Variants in PGCKA1 observed in about 807,000 individuals in gnomAD.
PGCKA1 encodes PDCD10 and GCKIII kinases associated 1.
At chr4:37,544,972 C>T in the PGCKA1 span, among the ~76,000 whole-genome samples, 3 of 151,902 alleles carry the variant, frequency 2.0e-5, no homozygotes, top group African/African-American at 7.3e-5. Context: ...TCTCCTGCCT[C>T]AGCCTCCCAA....
chr4:37,577,733 T>A, the PGCKA1 span, among the ~76,000 whole-genome samples: 2 of 152,168 alleles, frequency 1.3e-5, no homozygotes, highest in Non-Finnish European at 2.9e-5. Context: ...CCCATAGATT[T>A]TGGTCTCGTG....
chr4:37,459,153 A>T, the PGCKA1 span, among the ~76,000 whole-genome samples: 1 of 152,210 alleles, frequency 6.6e-6, no homozygotes, highest in African/African-American at 2.4e-5. Flanking sequence ...TGAAAAAAAA[A>T]TCAAACTTTA....
At chr4:37,525,031 C>T in the PGCKA1 span, among the ~76,000 whole-genome samples, 1 of 152,134 alleles carries the variant, frequency 6.6e-6, no homozygotes, top group South Asian at 2.1e-4. Context: ...AAAATTTGTG[C>T]AGTCCGAAGA....
the PGCKA1 span, among the ~76,000 whole-genome samples, chr4:37,572,063 C>CTTTTTTTTTTTTTT: frequency 3.3e-5 from 3 of 89,970 alleles, no homozygotes; most frequent in African/African-American, 4.9e-5. Context: ...TTTTTTTTTT[C>CTTTTTTTTTTTTTT]TTTTTTTTTT....
the PGCKA1 span, among the ~76,000 whole-genome samples, chr4:37,529,755 C>T: frequency 6.6e-6 from 1 of 152,098 alleles, no homozygotes; most frequent in Non-Finnish European, 1.5e-5. Context: ...TGTAGCCGCC[C>T]CCTTCCCCAA....
the PGCKA1 span, among the ~76,000 whole-genome samples, chr4:37,466,854 T>A: frequency 6.6e-6 from 1 of 152,206 alleles, no homozygotes; most frequent in Non-Finnish European, 1.5e-5. Context: ...TCCCAGCACT[T>A]TGGGAGGCCA....
chr4:37,569,826 A>G, the PGCKA1 span, among the ~76,000 whole-genome samples: 1 of 152,168 alleles, frequency 6.6e-6, no homozygotes, highest in African/African-American at 2.4e-5. Context: ...AGCCTTTTCC[A>G]GGGAGAAAAC....
chr4:37,489,979 A>T, the PGCKA1 span, among the ~76,000 whole-genome samples: 2 of 152,100 alleles, frequency 1.3e-5, no homozygotes, highest in Non-Finnish European at 2.9e-5. Context: ...GTCTCCTCTT[A>T]GATCTCCTAT....
At chr4:37,565,929 G>A in the PGCKA1 span, among the ~76,000 whole-genome samples, 1 of 152,092 alleles carries the variant, frequency 6.6e-6, no homozygotes, top group African/African-American at 2.4e-5. Flanking sequence ...ACGTCAAAAG[G>A]TGAGACTAGC....
chr4:37,517,350 GAC>G, the PGCKA1 span, among the ~76,000 whole-genome samples: 1 of 149,816 alleles, frequency 6.7e-6, no homozygotes, highest in Non-Finnish European at 1.5e-5. Flanking sequence ...ATATTTTTTT[GAC>G]ACAGAAAATA....
the PGCKA1 span, among the ~76,000 whole-genome samples, chr4:37,507,969 T>A: frequency 0.51 from 76,992 of 151,894 alleles, 19,798 homozygotes; most frequent in African/African-American, 0.58. Flanking sequence ...AGCATAAAAG[T>A]TTTATTCCTT....
At chr4:37,542,381 T>C in the PGCKA1 span, among the ~76,000 whole-genome samples, 1 of 152,186 alleles carries the variant, frequency 6.6e-6, no homozygotes, top group Non-Finnish European at 1.5e-5. Context: ...AAAAATAACA[T>C]TCTACAAAGT....
chr4:37,589,390 A>G, the PGCKA1 span, among the ~76,000 whole-genome samples: 1 of 152,134 alleles, frequency 6.6e-6, no homozygotes, highest in African/African-American at 2.4e-5. Flanking sequence ...TCATACTGTG[A>G]TGTTTGGCTT....
At chr4:37,506,506 C>A in the PGCKA1 span, among the ~76,000 whole-genome samples, 1 of 149,834 alleles carries the variant, frequency 6.7e-6, no homozygotes, top group Non-Finnish European at 1.5e-5. Context: ...TTTCAATTTT[C>A]TTCTGTGAAT....
chr4:37,521,851 G>T, the PGCKA1 span, among the ~76,000 whole-genome samples: 2 of 152,192 alleles, frequency 1.3e-5, no homozygotes, highest in Admixed American at 6.5e-5. Flanking sequence ...TATTTGTTTT[G>T]TAGATCTGGA....
the PGCKA1 span, among the ~76,000 whole-genome samples, chr4:37,579,130 C>T: frequency 3.3e-5 from 5 of 151,946 alleles, no homozygotes; most frequent in Non-Finnish European, 4.4e-5. Flanking sequence ...AACAAACCAA[C>T]AAGAAAAAAA....
the PGCKA1 span, among the ~76,000 whole-genome samples, chr4:37,466,688 TG>T: frequency 0.42 from 63,302 of 152,028 alleles, 14,003 homozygotes; most frequent in Non-Finnish European, 0.49. Flanking sequence ...TACCTGGTAA[TG>T]GGATAGGAAA....
chr4:37,499,209 T>G, the PGCKA1 span, among the ~76,000 whole-genome samples: 1 of 152,240 alleles, frequency 6.6e-6, no homozygotes, highest in African/African-American at 2.4e-5. Flanking sequence ...TTTGCTATGC[T>G]GCTGGATTGG....
At chr4:37,589,085 CT>C in the PGCKA1 span, among the ~76,000 whole-genome samples, 4 of 152,106 alleles carry the variant, frequency 2.6e-5, no homozygotes, top group South Asian at 2.1e-4. Flanking sequence ...ATTTTTTTAA[CT>C]TTTTTTGCTC....
Sources: allele counts gnomAD v4.1 joint callset (sites outside exome capture counted in the v4.1 genomes callset), GRCh38; gene constraint gnomAD v4.1.1; transcripts MANE v1.5; gene names NCBI Gene and HGNC (gene_info 2026-07-23, HGNC 2026-07-21).